Variants in SRGAP3 observed in about 807,000 individuals in gnomAD.
SRGAP3 encodes the protein SLIT-ROBO Rho GTPase activating protein 3, also known as SLIT-ROBO Rho GTPase-activating protein 3.
SRGAP3 carries 39 observed loss-of-function variants against 121.1 expected under a neutral mutation model. The observed-to-expected ratio is 0.32, with a 90% CI of 0.25 to 0.42. The LOEUF (loss-of-function observed/expected upper bound fraction) is 0.42, where lower values mean the gene tolerates loss of function less well. Among genes scored for constraint, SRGAP3 ranks in the 10% least tolerant of loss-of-function variants. The pLI is 1.00. For missense variants in SRGAP3, 1,213 were observed against 1,470.6 expected, an observed-to-expected ratio of 0.82 and a Z score of 2.86; for synonymous variants, 601 against 570.0, an observed-to-expected ratio of 1.05 and a Z score of -0.77.
At chr3:9,295,997 T>C (rs1245604873) in intron 3 of SRGAP3, among the ~76,000 whole-genome samples, 1 of 152,236 alleles carries the variant, frequency 6.6e-6, no homozygotes, top group African/African-American at 2.4e-5. Flanking sequence ...CTGAATAATA[T>C]TCATTGTATA....
chr3:9,327,745 C>T (rs886551187), intron 2 of SRGAP3, among the ~76,000 whole-genome samples: 3 of 152,148 alleles, frequency 2.0e-5, no homozygotes, highest in Non-Finnish European at 4.4e-5. Flanking sequence ...ATTTAGGAGG[C>T]CTAATTACCT....
chr3:9,075,687 A>G (rs552506299), intron 4 of SRGAP3, among the ~76,000 whole-genome samples: 1 of 152,258 alleles, frequency 6.6e-6, no homozygotes, highest in South Asian at 2.1e-4. Context: ...CACCTCCCTT[A>G]CAGAACTTTA....
intron 3 of SRGAP3, among the ~76,000 whole-genome samples, chr3:9,313,283 C>T (rs1290783752): frequency 6.6e-6 from 1 of 152,212 alleles, no homozygotes; most frequent in African/African-American, 2.4e-5. Context: ...TGCTCAACTG[C>T]CACTTTCTCA....
chr3:9,147,840 T>C (rs1022802483), intron 1 of SRGAP3, among the ~76,000 whole-genome samples: 2 of 152,042 alleles, frequency 1.3e-5, no homozygotes, highest in Non-Finnish European at 2.9e-5. Context: ...CTAAAGCAGA[T>C]GACATGGGCA....
At chr3:9,066,411 C>A (rs1946432220) in intron 4 of SRGAP3, among the ~76,000 whole-genome samples, 1 of 152,204 alleles carries the variant, frequency 6.6e-6, no homozygotes, top group Non-Finnish European at 1.5e-5. Flanking sequence ...TCAGAGAACT[C>A]AGAATGAATT....
intron 4 of SRGAP3, among the ~76,000 whole-genome samples, chr3:9,073,178 C>G (rs2125241339): frequency 6.6e-6 from 1 of 152,344 alleles, no homozygotes; most frequent in East Asian, 1.9e-4. Context: ...GGGTCTTACT[C>G]TGTCCCCCAG....
intron 18 of SRGAP3, among the ~76,000 whole-genome samples, chr3:9,008,703 A>C (rs916383543): frequency 3.9e-5 from 6 of 152,166 alleles, no homozygotes; most frequent in Non-Finnish European, 5.9e-5. Context: ...GTTCAGGATG[A>C]CTTTAGCCTC....
chr3:9,346,861 T>C (rs565403153), intron 1 of SRGAP3, among the ~76,000 whole-genome samples: 1 of 150,884 alleles, frequency 6.6e-6, no homozygotes, highest in East Asian at 2.0e-4. Flanking sequence ...GTTCAAGCAA[T>C]TCTCCTGCCT....
intron 18 of SRGAP3, 101 bp downstream of exon 18, chr3:9,010,207 C>G: frequency 7.4e-7 from 1 of 1,348,530 alleles, no homozygotes; most frequent in Non-Finnish European, 1.1e-6. Context: ...ACTTGGAAAG[C>G]TGAAGAGGTC....
chr3:9,027,318 C>A (rs1216016576), intron 12 of SRGAP3, among the ~76,000 whole-genome samples: 1 of 152,188 alleles, frequency 6.6e-6, no homozygotes, highest in Admixed American at 6.5e-5. Context: ...GTGCTGGAGT[C>A]TGGCCTTGAA....
At chr3:9,230,903 C>T (rs558995252) in intron 1 of SRGAP3, among the ~76,000 whole-genome samples, 2 of 151,670 alleles carry the variant, frequency 1.3e-5, no homozygotes, top group Admixed American at 6.6e-5. Flanking sequence ...AGAGCAGACT[C>T]GTAGCAGGAC....
chr3:9,331,139 C>A (rs537656161), intron 1 of SRGAP3, among the ~76,000 whole-genome samples: 66 of 152,224 alleles, frequency 4.3e-4, no homozygotes, highest in African/African-American at 1.6e-3. Context: ...TCCAATTTTT[C>A]TGCAAAGAAT....
At position 9,033,416 on chromosome 3, in the gene SRGAP3, C is replaced by CT. The variant is rs34713254; in HGVS notation, c.1437-665dup. 853 of 145,888 alleles carry CT rather than the reference C, an allele frequency of 5.8e-3. 3 individuals carry two copies. The highest frequency in any genetic ancestry group is 0.025 in the Middle Eastern group (7 of 282). 9.0% of individuals were successfully genotyped at this position (145,888 alleles called of 1,614,324 possible). On this transcript the variant is annotated intron_variant, in intron 11 of 21. Coordinates refer to ENST00000383836, the MANE Select transcript of SRGAP3 (RefSeq NM_014850.4). Reference sequence around the variant, plus strand: ...TAGTCAAGTACACTTTCTTTTCTTTCTTTTTTTTTTTTTTCCTTTTTCTTT... The same window carrying CT: ...TAGTCAAGTACACTTTCTTTTCTTTCTTTTTTTTTTTTTTTCCTTTTTCTTT...
intron 1 of SRGAP3, among the ~76,000 whole-genome samples, chr3:9,209,338 T>C (rs115315319): frequency 0.016 from 2,410 of 152,302 alleles, 49 homozygotes; most frequent in African/African-American, 0.054. Flanking sequence ...TTTCCTAAAA[T>C]ATAGTTATTT....
chr3:9,210,868 G>C (rs1434095736), intron 1 of SRGAP3, among the ~76,000 whole-genome samples: 1 of 152,100 alleles, frequency 6.6e-6, no homozygotes, highest in Non-Finnish European at 1.5e-5. Context: ...ATGCAAAGGT[G>C]TCCAGGATAA....
At chr3:9,058,533 C>A in intron 6 of SRGAP3, 61 bp from the exon 7 acceptor site, 1 of 1,516,594 alleles carries the variant, frequency 6.6e-7, no homozygotes, top group East Asian at 2.3e-5. Context: ...GGGGCGGTCA[C>A]TGGCCACCAC....
At chr3:9,193,332 C>T (rs1358903491) in intron 1 of SRGAP3, 1 of 152,308 alleles carries the variant, frequency 6.6e-6, no homozygotes, top group Admixed American at 6.5e-5. Flanking sequence ...CCCCTTAGCC[C>T]TCTGCCCACA....
chr3:9,362,867 C>T lies in SRGAP3; in HGVS notation n.187G>A, dbSNP rs1237800162. On this transcript the variant is annotated non_coding_transcript_exon_variant, in exon 1 of 4. Coordinates refer to the SRGAP3 transcript ENST00000490889. ...AGTGCTCGGCAAGGGGAAGCACTCT[C>T]TAAACGTTAGCAAATACCATGGTAG... 2.6e-5 allele frequency: 4 copies of T among 152,206 alleles called. No individual in the cohort carries two copies. The East Asian group carries it at 7.7e-4, about 29-fold the overall frequency. The allele number at this position is 152,206 out of a possible 1,614,324, so 9.4% of individuals were successfully genotyped here. A position where few individuals can be genotyped will look rare whatever the true frequency, so the allele number is the denominator to read the frequency against.
chr3:9,274,247 G>T (rs1954531149), intron 3 of SRGAP3, among the ~76,000 whole-genome samples: 1 of 152,328 alleles, frequency 6.6e-6, no homozygotes, highest in African/African-American at 2.4e-5. Context: ...GTCCTCAAAA[G>T]AAATTAAACT....
Sources: allele counts gnomAD v4.1 joint callset (sites outside exome capture counted in the v4.1 genomes callset), GRCh38; gene constraint gnomAD v4.1.1; transcripts MANE v1.5; gene names NCBI Gene and HGNC (gene_info 2026-07-23, HGNC 2026-07-21).